Variants in GPR63 observed in about 807,000 individuals in gnomAD.
GPR63 encodes probable G protein-coupled receptor 63.
GPR63 carries 12 observed loss-of-function variants against 23.1 expected under a neutral mutation model. The observed-to-expected ratio is 0.52, with a 90% CI of 0.33 to 0.84. The LOEUF (loss-of-function observed/expected upper bound fraction) is 0.84, where lower values mean the gene tolerates loss of function less well. GPR63 is among the 40% of genes least tolerant of loss of function. The probability of loss-of-function intolerance (pLI) is 0.02; values close to 1 mark genes in which losing one functional copy is unlikely to be tolerated. For synonymous variants in GPR63, 172 were observed against 191.1 expected (o/e 0.90, Z 0.82); for missense variants, 472 against 515.6 (o/e 0.92, Z 0.82).
At chr6:96,813,376 G>C (rs1331725806) in intron 1 of GPR63, among the ~76,000 whole-genome samples, 2 of 152,142 alleles carry the variant, frequency 1.3e-5, no homozygotes, top group Non-Finnish European at 2.9e-5. Flanking sequence ...TTGCTGGATT[G>C]TATGGTAGTT....
At chr6:96,819,813 A>G (rs1211269383) in intron 1 of GPR63, among the ~76,000 whole-genome samples, 1 of 151,694 alleles carries the variant, frequency 6.6e-6, no homozygotes, top group African/African-American at 2.4e-5. Context: ...TCTACTAAAA[A>G]TACAAAGACA....
chr6:96,826,498 A>C (rs1418548930), intron 1 of GPR63, among the ~76,000 whole-genome samples: 1 of 152,160 alleles, frequency 6.6e-6, no homozygotes, highest in Non-Finnish European at 1.5e-5. Flanking sequence ...TCATATTGTA[A>C]TACATTAATG....
At chr6:96,809,795 A>G (rs1264769378) in intron 1 of GPR63, among the ~76,000 whole-genome samples, 1 of 152,212 alleles carries the variant, frequency 6.6e-6, no homozygotes. Flanking sequence ...TCATTAACTA[A>G]GATGTTCAGG....
At chr6:96,819,616 T>C (rs927105968) in intron 1 of GPR63, among the ~76,000 whole-genome samples, 1 of 151,682 alleles carries the variant, frequency 6.6e-6, no homozygotes, top group African/African-American at 2.4e-5. Flanking sequence ...CAAACCACCA[T>C]GGTACATGTA....
At position 96,819,525 on chromosome 6, in the gene GPR63, G is replaced by A. The variant is rs141839872; in HGVS notation, c.-151+17743C>T. The stretch of plus-strand genomic sequence containing the variant: ...CACACTGGGGCCTGTCGGGGTGCAG[G>A]GGGACAGGGGAGGGAGAGCTTTAGG... On this transcript the variant is annotated intron_variant, in intron 1 of 1. Coordinates refer to ENST00000229955, the MANE Select transcript of GPR63 (RefSeq NM_030784.4). Among the ~76,000 whole-genome samples the A allele has an allele frequency of 4.0e-3, 605 of 152,026 alleles. 3 individuals are homozygous for A. Among genetic ancestry groups the A allele is most frequent in the African/African-American group, 0.014 (583 of 41,458 alleles).
intron 1 of GPR63, among the ~76,000 whole-genome samples, chr6:96,823,973 T>C (rs1268554808): frequency 2.6e-5 from 4 of 152,018 alleles, no homozygotes; most frequent in African/African-American, 4.8e-5. Context: ...AATGAAGAAA[T>C]TGCCTCATGA....
intron 1 of GPR63, among the ~76,000 whole-genome samples, chr6:96,809,390 TAGAA>T (rs1014656192): frequency 6.6e-5 from 10 of 152,120 alleles, no homozygotes; most frequent in Admixed American, 5.2e-4. Context: ...CATTACAACT[TAGAA>T]AGAAACTCAT....
At chr6:96,814,927 C>T (rs1330320627) in intron 1 of GPR63, among the ~76,000 whole-genome samples, 1 of 152,166 alleles carries the variant, frequency 6.6e-6, no homozygotes, top group Non-Finnish European at 1.5e-5. Flanking sequence ...AGGAAAATTC[C>T]ATTATCCCTT....
rs567794246 is a variant in GPR63, at chr6:96,824,299, C to A, written c.-151+12969G>T. 2.1e-4 allele frequency among the ~76,000 whole-genome samples: 32 copies of A among 152,116 alleles called. 1 individual carries two copies. The highest frequency in any genetic ancestry group is 2.0e-3 in the Admixed American group (30 of 15,258). On this transcript the variant is annotated intron_variant, in intron 1 of 1. Coordinates refer to ENST00000229955, the MANE Select transcript of GPR63 (RefSeq NM_030784.4). ...AAGTCTTCTAAAATCAAATTGCTGG[C>A]AAACCATTTTAAATTCAAGAATATT...
At chr6:96,804,130 G>C (rs372246879) in intron 1 of GPR63, among the ~76,000 whole-genome samples, 14 of 152,182 alleles carry the variant, frequency 9.2e-5, no homozygotes, top group African/African-American at 3.4e-4. Context: ...TTTATATTTG[G>C]AGTGTGCCAG....
rs1343707563 is a variant in GPR63, at chr6:96,799,642, T to C, written c.90A>G (p.Thr30=). ...CAGGATGCTGGAATGGTGGAGGGAG[T>C]GTAATATTCATGTAGGTGTTTTCAT... The part of the protein sequence containing the change: ...VVYENTYMNI[T]LPPPFQHPDL... The change falls in exon 2 of 2, where the codon ACA becomes ACG. Residue 30 remains threonine (T), a synonymous_variant. Coordinates refer to ENST00000229955, the MANE Select transcript of GPR63 (RefSeq NM_030784.4). 1 of 1,613,618 alleles carries C rather than the reference T, an allele frequency of 6.2e-7. No individual in the cohort carries two copies. The highest frequency in any genetic ancestry group is 1.1e-5 in the South Asian group (1 of 91,048).
At chr6:96,829,217 T>G (rs1774519208) in intron 1 of GPR63, among the ~76,000 whole-genome samples, 1 of 152,222 alleles carries the variant, frequency 6.6e-6, no homozygotes, top group Non-Finnish European at 1.5e-5. Context: ...AACACTTATT[T>G]GTAGAGAACA....
chr6:96,817,938 A>G (rs1343512498), intron 1 of GPR63, among the ~76,000 whole-genome samples: 2 of 150,874 alleles, frequency 1.3e-5, no homozygotes, highest in African/African-American at 4.9e-5. Context: ...TCTGCTTGTT[A>G]TGTAAAACTT....
intron 1 of GPR63, among the ~76,000 whole-genome samples, chr6:96,836,798 C>T (rs1774741948): frequency 6.6e-6 from 1 of 152,138 alleles, no homozygotes; most frequent in South Asian, 2.1e-4. Flanking sequence ...AAGGACCTTT[C>T]GCTCTCGCAA....
intron 1 of GPR63, among the ~76,000 whole-genome samples, chr6:96,815,137 T>C (rs1774131905): frequency 6.6e-6 from 1 of 152,214 alleles, no homozygotes; most frequent in African/African-American, 2.4e-5. Context: ...ACTGGTAAGG[T>C]TGACACTCAC....
At position 96,794,999 on chromosome 6, in the gene GPR63, A is replaced by G. The variant is rs1773546531; in HGVS notation, c.*3473T>C. On this transcript the variant is annotated 3_prime_UTR_variant, in exon 2 of 2. Coordinates refer to ENST00000229955, the MANE Select transcript of GPR63 (RefSeq NM_030784.4). ...AAACAAACATTGTGGGATAAAACAG[A>G]TGATATTTAAATAGATATATTTTCT... 6.6e-6 allele frequency: 1 copy of G among 152,192 alleles called. No homozygotes were observed. The highest frequency in any genetic ancestry group is 1.5e-5 in the Non-Finnish European group (1 of 68,040). 9.4% of individuals were successfully genotyped at this position (152,192 alleles called of 1,614,324 possible). A position where few individuals can be genotyped will look rare whatever the true frequency, so the allele number is the denominator to read the frequency against.
chr6:96,800,842 C>T (rs1773744951), intron 1 of GPR63, among the ~76,000 whole-genome samples: 1 of 152,192 alleles, frequency 6.6e-6, no homozygotes, highest in Admixed American at 6.5e-5. Flanking sequence ...GGAGAGATGA[C>T]TAGAAAAATA....
At chr6:96,819,056 C>T (rs1378215077) in intron 1 of GPR63, among the ~76,000 whole-genome samples, 2 of 152,164 alleles carry the variant, frequency 1.3e-5, no homozygotes, top group Non-Finnish European at 1.5e-5. Context: ...AATAGGAACG[C>T]TTTTACAGTT....
intron 1 of GPR63, among the ~76,000 whole-genome samples, chr6:96,819,968 CTG>C (rs1171750233): frequency 1.0e-4 from 11 of 108,798 alleles, no homozygotes; most frequent in Non-Finnish European, 1.9e-4. Context: ...CAGCGAGACT[CTG>C]TCTCAAAAAA....
Sources: allele counts gnomAD v4.1 joint callset (sites outside exome capture counted in the v4.1 genomes callset), GRCh38; gene constraint gnomAD v4.1.1; transcripts MANE v1.5; gene names NCBI Gene and HGNC (gene_info 2026-07-23, HGNC 2026-07-21).